Variants in RNF150 observed in about 807,000 individuals in gnomAD.
RNF150 encodes ring finger protein 150.
RNF150 carries 24 observed loss-of-function variants against 39.3 expected under a neutral mutation model. The ratio of observed to expected loss-of-function variants is 0.61; its 90% CI spans 0.44 to 0.86. RNF150 has a LOEUF of 0.86. RNF150 is among the 40% of genes least tolerant of loss of function. The pLI is 0.00. For synonymous variants in RNF150, 255 were observed against 227.3 expected, an observed-to-expected ratio of 1.12 and a Z score of -1.10; for missense variants, 502 against 587.8, an observed-to-expected ratio of 0.85 and a Z score of 1.51.
rs1173229993 is a variant in RNF150 at position 140,865,741 on chromosome 4, C to T, written c.*2520G>A. On this transcript the variant is annotated 3_prime_UTR_variant, in exon 7 of 7. Coordinates refer to ENST00000515673, the MANE Select transcript of RNF150 (RefSeq NM_020724.2). ...AGGCATCCTGTAAGTGCAGCTGTGG[C>T]CAGGGCTTGCATATGCAATCAATTC... 1.3e-5 allele frequency: 2 copies of T among 152,410 alleles called. No individual in the cohort carries two copies. The highest frequency in any genetic ancestry group is 2.9e-5 in the Non-Finnish European group (2 of 68,004). The allele number at this position is 152,410 out of a possible 1,614,324, so 9.4% of individuals were successfully genotyped here. A position where few individuals can be genotyped will look rare whatever the true frequency, so the allele number is the denominator to read the frequency against.
At chr4:140,999,567 G>C (rs1734498511) in intron 1 of RNF150, among the ~76,000 whole-genome samples, 1 of 152,138 alleles carries the variant, frequency 6.6e-6, no homozygotes, top group East Asian at 1.9e-4. Context: ...GGGGCACATG[G>C]TTTCAAAAGA....
chr4:141,211,392 T>C (rs1728461792), intron 1 of RNF150, among the ~76,000 whole-genome samples: 1 of 152,190 alleles, frequency 6.6e-6, no homozygotes, highest in Non-Finnish European at 1.5e-5. Flanking sequence ...GATCTCATTC[T>C]AAGGAAAATG....
chr4:141,211,407 T>C (rs1052017341), intron 1 of RNF150, among the ~76,000 whole-genome samples: 5 of 152,196 alleles, frequency 3.3e-5, no homozygotes, highest in Admixed American at 3.3e-4. Context: ...AAAATGAAAG[T>C]ATAATTTAAG....
At chr4:141,030,300 A>C (rs1735889147) in intron 1 of RNF150, among the ~76,000 whole-genome samples, 1 of 152,116 alleles carries the variant, frequency 6.6e-6, no homozygotes, top group Non-Finnish European at 1.5e-5. Context: ...AAAACCCAGA[A>C]AATAACAAAT....
In RNF150 at chr4:140,928,813, T is replaced by C. The variant is rs370246214; in HGVS notation, c.891-2740A>G. The stretch of plus-strand genomic sequence containing the variant: ...CACCCGCCTCAGCCTCCCAAAGTGC[T>C]AGGATTACAGGCGTGAGCCACCGCG... On this transcript the variant is annotated intron_variant, in intron 4 of 6. Transcript: ENST00000515673. 2.9e-3 allele frequency among the ~76,000 whole-genome samples: 440 copies of C among 152,324 alleles called. 4 individuals are homozygous for C. The highest frequency in any genetic ancestry group is 0.01 in the African/African-American group (420 of 41,584).
chr4:141,201,667 A>G (rs981979272), intron 1 of RNF150, among the ~76,000 whole-genome samples: 2 of 152,074 alleles, frequency 1.3e-5, no homozygotes, highest in Non-Finnish European at 2.9e-5. Flanking sequence ...GACCTCTTAA[A>G]TCAGGGACTC....
At position 140,978,442 on chromosome 4, in the gene RNF150, A is replaced by G. The variant is rs80113484; in HGVS notation, c.485-10569T>C. ...TCTCACTGATGTCAATTCCTCAGCT[A>G]TACTTGAGGTGATCAATGACTCATA... On this transcript the variant is annotated intron_variant, in intron 1 of 6. Coordinates refer to ENST00000515673, the MANE Select transcript of RNF150 (RefSeq NM_020724.2). 6.3e-3 allele frequency among the ~76,000 whole-genome samples: 962 copies of G among 152,312 alleles called. 47 individuals are homozygous for G. The highest frequency in any genetic ancestry group is 0.058 in the Admixed American group (884 of 15,286).
intron 1 of RNF150, among the ~76,000 whole-genome samples, chr4:141,159,247 C>T (rs1015950117): frequency 6.6e-6 from 1 of 152,228 alleles, no homozygotes; most frequent in Non-Finnish European, 1.5e-5. Flanking sequence ...TAATCTAATT[C>T]GCCATTGTAG....
chr4:140,869,112 T>C (rs907736876), intron 6 of RNF150, among the ~76,000 whole-genome samples: 1 of 152,226 alleles, frequency 6.6e-6, no homozygotes. Context: ...CAATTAAGCA[T>C]GATTTACAGT....
rs1363614883 is a variant in RNF150 at position 141,078,476 on chromosome 4, G to GT, written c.484+53848dup. Among the ~76,000 whole-genome samples, 16 of 151,868 alleles carry GT rather than the reference G, an allele frequency of 1.1e-4. No homozygotes were observed. In the East Asian group the frequency reaches 2.3e-3, roughly 22 times the overall value. On this transcript the variant is annotated intron_variant, in intron 1 of 6. Coordinates refer to ENST00000515673, the MANE Select transcript of RNF150 (RefSeq NM_020724.2). ...TTCAAAATCAGAGGAGTCTGTGTTA[G>GT]TTTTTTTAAAAAAGAGTTGAAGATT...
chr4:140,898,007 C>A (rs1181668080), intron 6 of RNF150, among the ~76,000 whole-genome samples: 1 of 152,152 alleles, frequency 6.6e-6, no homozygotes, highest in Non-Finnish European at 1.5e-5. Context: ...CCTCTCTCTG[C>A]TGTCTAACAA....
intron 1 of RNF150, among the ~76,000 whole-genome samples, chr4:141,102,868 T>C (rs1252174447): frequency 6.6e-6 from 1 of 152,220 alleles, no homozygotes; most frequent in African/African-American, 2.4e-5. Context: ...GGTTCCAGTG[T>C]TACTACCGTG....
chr4:141,111,726 A>G (rs1017245797), intron 1 of RNF150, among the ~76,000 whole-genome samples: 4 of 152,216 alleles, frequency 2.6e-5, no homozygotes, highest in African/African-American at 7.2e-5. Context: ...TGAGTAAGTA[A>G]AACTGTTCTG....
At chr4:141,076,894 C>T (rs1737915853) in intron 1 of RNF150, among the ~76,000 whole-genome samples, 2 of 152,072 alleles carry the variant, frequency 1.3e-5, no homozygotes, top group African/African-American at 4.8e-5. Context: ...TCTAGACGAT[C>T]CTGTTTGCAG....
rs180807791 is a variant in RNF150 at position 140,921,789 on chromosome 4, C to T, written c.987+4188G>A. 4.0e-3 allele frequency among the ~76,000 whole-genome samples: 614 copies of T among 152,284 alleles called. 3 individuals are homozygous for T. Among genetic ancestry groups the T allele is most frequent in the African/African-American group, 0.014 (590 of 41,548 alleles). ...TCCACTAAGATCAAGTGGGCTTCAT[C>T]CCTGGGATGCAAGGCTGGTTCAACA... On this transcript the variant is annotated intron_variant, in intron 5 of 6. Transcript: ENST00000515673.
At chr4:141,088,785 T>C (rs1484113811) in intron 1 of RNF150, among the ~76,000 whole-genome samples, 1 of 151,824 alleles carries the variant, frequency 6.6e-6, no homozygotes, top group Non-Finnish European at 1.5e-5. Context: ...TAAGAATATA[T>C]AAATCCTTAC....
At chr4:141,010,404 G>A (rs140120874) in intron 1 of RNF150, among the ~76,000 whole-genome samples, 3 of 152,250 alleles carry the variant, frequency 2.0e-5, no homozygotes, top group African/African-American at 7.2e-5. Flanking sequence ...ACCAACTTAT[G>A]CCAAAGGTTT....
At chr4:141,072,353 A>G (rs892309730) in intron 1 of RNF150, among the ~76,000 whole-genome samples, 1 of 152,202 alleles carries the variant, frequency 6.6e-6, no homozygotes, top group African/African-American at 2.4e-5. Flanking sequence ...TTCTTTGCAG[A>G]GTTATTATAG....
chr4:141,007,108 G>C (rs1197541019), intron 1 of RNF150, among the ~76,000 whole-genome samples: 1 of 152,146 alleles, frequency 6.6e-6, no homozygotes, highest in Non-Finnish European at 1.5e-5. Context: ...GGTTAGAAAG[G>C]AATTGAGACA....
Sources: allele counts gnomAD v4.1 joint callset (sites outside exome capture counted in the v4.1 genomes callset), GRCh38; gene constraint gnomAD v4.1.1; transcripts MANE v1.5; gene names NCBI Gene and HGNC (gene_info 2026-07-23, HGNC 2026-07-21).